Variants in PTPRG observed in about 807,000 individuals in gnomAD.
PTPRG encodes the protein protein tyrosine phosphatase receptor type G.
In PTPRG, 102 loss-of-function variants were observed where a neutral mutation model predicts 165.3. The ratio of observed to expected loss-of-function variants is 0.62; its 90% CI spans 0.53 to 0.73. The LOEUF is 0.73. PTPRG is among the 30% of genes least tolerant of loss of function. PTPRG has a pLI of 0.00. For missense variants in PTPRG, 1,866 were observed against 1,861.4 expected (o/e 1.00, Z -0.05); for synonymous variants, 675 against 669.5 (o/e 1.01, Z -0.13).
At chr3:61,738,277 T>C (rs57388650) in intron 1 of PTPRG, among the ~76,000 whole-genome samples, 80,057 of 96,734 alleles carry the variant, frequency 0.83, 32,592 homozygotes, top group Middle Eastern at 0.85. Flanking sequence ...TATATATATA[T>C]ACATATATAT....
intron 4 of PTPRG, among the ~76,000 whole-genome samples, chr3:62,026,879 T>TAA (rs200417191): frequency 4.2e-5 from 4 of 94,690 alleles, no homozygotes; most frequent in African/African-American, 4.8e-5. Flanking sequence ...GAGTGAGAAT[T>TAA]AAAAAAAAAA....
At chr3:61,711,268 A>G (rs1394150018) in intron 1 of PTPRG, among the ~76,000 whole-genome samples, 3 of 152,170 alleles carry the variant, frequency 2.0e-5, no homozygotes, top group Non-Finnish European at 4.4e-5. Flanking sequence ...ATGATTTATC[A>G]TCTTTTGGGT....
chr3:61,817,009 A>ATAT (rs2035785366), intron 2 of PTPRG, among the ~76,000 whole-genome samples: 2 of 113,672 alleles, frequency 1.8e-5, no homozygotes, highest in South Asian at 4.9e-4. Context: ...TATAATATAA[A>ATAT]TATATATACT....
At chr3:61,926,956 C>CTG (rs1308567648) in intron 2 of PTPRG, among the ~76,000 whole-genome samples, 1 of 152,044 alleles carries the variant, frequency 6.6e-6, no homozygotes, top group Non-Finnish European at 1.5e-5. Context: ...CCTTTTCTAC[C>CTG]TGTAATGTAG....
chr3:62,172,314 G>T (rs1368043375), intron 8 of PTPRG, among the ~76,000 whole-genome samples: 2 of 152,182 alleles, frequency 1.3e-5, no homozygotes, highest in Admixed American at 1.3e-4. Flanking sequence ...ACAGTTTTGA[G>T]GAACTATCAA....
intron 1 of PTPRG, among the ~76,000 whole-genome samples, chr3:61,712,385 A>G (rs2031608948): frequency 6.6e-6 from 1 of 151,960 alleles, no homozygotes. Context: ...CTAAACATCC[A>G]TATCCCTTTC....
intron 2 of PTPRG, among the ~76,000 whole-genome samples, chr3:61,863,793 A>G (rs2037335361): frequency 6.6e-6 from 1 of 152,178 alleles, no homozygotes; most frequent in Non-Finnish European, 1.5e-5. Flanking sequence ...GGTCAAAGGT[A>G]AGGCCACCTT....
intron 14 of PTPRG, among the ~76,000 whole-genome samples, chr3:62,232,966 G>A (rs115012270): frequency 0.011 from 1,750 of 152,328 alleles, 16 homozygotes; most frequent in Middle Eastern, 0.044. Flanking sequence ...AGGGCCCATA[G>A]GGCCTTAGTT....
chr3:61,734,506 G>C (rs532146126), intron 1 of PTPRG, among the ~76,000 whole-genome samples: 4 of 152,146 alleles, frequency 2.6e-5, no homozygotes, highest in Non-Finnish European at 5.9e-5. Context: ...TTATTTTTCA[G>C]AATTCACCCA....
intron 12 of PTPRG, among the ~76,000 whole-genome samples, chr3:62,208,291 G>A (rs4688290): frequency 0.45 from 68,836 of 151,908 alleles, 16,280 homozygotes; most frequent in African/African-American, 0.58. Context: ...CACAGCGTGA[G>A]CCCAGAAGCC....
chr3:61,990,436 A>G (rs376737117), intron 3 of PTPRG, among the ~76,000 whole-genome samples: 21 of 152,208 alleles, frequency 1.4e-4, no homozygotes, highest in East Asian at 1.3e-3. Context: ...CAGCAATTCA[A>G]TTCTTCCACT....
At chr3:62,127,693 A>G (rs980062749) in intron 5 of PTPRG, among the ~76,000 whole-genome samples, 1 of 152,178 alleles carries the variant, frequency 6.6e-6, no homozygotes, top group Non-Finnish European at 1.5e-5. Context: ...TATTTAGCAG[A>G]TGGCCAGGAC....
intron 2 of PTPRG, among the ~76,000 whole-genome samples, chr3:61,899,416 T>A (rs1559677237): frequency 6.6e-6 from 1 of 152,198 alleles, no homozygotes; most frequent in Non-Finnish European, 1.5e-5. Context: ...AAATCCAAAA[T>A]GACTGAAACA....
At chr3:61,848,729 A>G (rs1429895767) in intron 2 of PTPRG, among the ~76,000 whole-genome samples, 1 of 152,154 alleles carries the variant, frequency 6.6e-6, no homozygotes, top group African/African-American at 2.4e-5. Context: ...TTTATGCTCA[A>G]TCTAATGCTT....
chr3:62,130,355 TA>T, intron 5 of PTPRG, among the ~76,000 whole-genome samples: 1 of 152,366 alleles, frequency 6.6e-6, no homozygotes, highest in East Asian at 1.9e-4. Context: ...TCATGTTCAC[TA>T]ATTCTCCATT....
At chr3:62,035,850 A>T (rs905848367) in intron 4 of PTPRG, among the ~76,000 whole-genome samples, 2 of 152,208 alleles carry the variant, frequency 1.3e-5, no homozygotes, top group African/African-American at 4.8e-5. Context: ...GTTCTCCCAG[A>T]TGCTGGATAA....
intron 1 of PTPRG, among the ~76,000 whole-genome samples, chr3:61,697,135 GGCTTTCTCCT>G (rs1246832751): frequency 6.6e-6 from 1 of 152,108 alleles, no homozygotes; most frequent in African/African-American, 2.4e-5. Context: ...GCCACTCTCT[GGCTTTCTCCT>G]GCTTTTCTTC....
At chr3:61,795,625 GCA>G (rs1553669891) in intron 2 of PTPRG, among the ~76,000 whole-genome samples, 2 of 106,326 alleles carry the variant, frequency 1.9e-5, no homozygotes, top group Non-Finnish European at 3.4e-5. Context: ...GGGTGACAGA[GCA>G]AGACTCCGTC....
chr3:61,563,241 G>A (rs1042242901), intron 1 of PTPRG, among the ~76,000 whole-genome samples: 34 of 152,058 alleles, frequency 2.2e-4, no homozygotes, highest in Non-Finnish European at 4.9e-4. Context: ...CTTCATCTTT[G>A]CCCTTTTGCA....
Sources: gnomAD v4.1 joint callset for allele counts (sites outside exome capture counted in the v4.1 genomes callset) on GRCh38, gnomAD v4.1.1 for gene constraint, MANE v1.5 for transcripts, NCBI Gene and HGNC (gene_info 2026-07-23, HGNC 2026-07-21) for gene names.